The following C10orf143 variants were observed in gnomAD, a reference collection of about 807,000 sequenced individuals.
C10orf143 encodes chromosome 10 open reading frame 143, also known as uncharacterized protein C10orf143.
chr10:130,077,212 T>A (rs1343632390), intron 3 of C10orf143, among the ~76,000 whole-genome samples: 1 of 151,500 alleles, frequency 6.6e-6, no homozygotes, highest in Admixed American at 6.6e-5. Flanking sequence ...GTTGAAGAGG[T>A]CTACCGAGGA....
intron 3 of C10orf143, among the ~76,000 whole-genome samples, chr10:130,053,280 C>T (rs953224233): frequency 3.3e-5 from 5 of 152,234 alleles, no homozygotes; most frequent in South Asian, 4.1e-4. Context: ...AGGATGGTCT[C>T]GATCTCCTGA....
intron 3 of C10orf143, among the ~76,000 whole-genome samples, chr10:130,047,430 C>G (rs10829684): frequency 0.56 from 84,728 of 152,128 alleles, 26,052 homozygotes; most frequent in Non-Finnish European, 0.69. Flanking sequence ...AGGCACTGAG[C>G]GGGGCTGCGT....
At chr10:130,045,015 G>A (rs1350326100) in intron 3 of C10orf143, among the ~76,000 whole-genome samples, 2 of 152,210 alleles carry the variant, frequency 1.3e-5, no homozygotes, top group African/African-American at 2.4e-5. Flanking sequence ...GCCACACCCC[G>A]ATGCCTCCCT....
At chr10:130,049,930 A>T (rs1206912751) in intron 3 of C10orf143, among the ~76,000 whole-genome samples, 1 of 152,240 alleles carries the variant, frequency 6.6e-6, no homozygotes, top group East Asian at 1.9e-4. Context: ...ATCAAAGGAG[A>T]GAAAGAGGAA....
intron 3 of C10orf143, among the ~76,000 whole-genome samples, chr10:130,044,325 G>C (rs769823405): frequency 6.6e-6 from 1 of 152,166 alleles, no homozygotes; most frequent in Admixed American, 6.5e-5. Context: ...AATAGGATAT[G>C]CGGATGTGGC....
chr10:130,064,119 G>T lies in C10orf143; in HGVS notation c.*235C>A, dbSNP rs942145878. ...AACATTCGAAAGGAGGCTGTAGTAC[G>T]TAGTAAGGATTTGGGGGCTCTTTTG... On this transcript the variant is annotated 3_prime_UTR_variant, in exon 4 of 4. Coordinates refer to ENST00000637128, the MANE Select transcript of C10orf143 (RefSeq NM_001355042.2). 2 of 372,202 alleles carry T rather than the reference G, an allele frequency of 5.4e-6. No homozygotes were observed. The highest frequency in any genetic ancestry group is 2.1e-5 in the African/African-American group (1 of 48,152). The allele number at this position is 372,202 out of a possible 1,614,324, so 23.1% of individuals were successfully genotyped here.
At chr10:130,101,849 C>CAAAAAAAAAA (rs1413239919) in intron 1 of C10orf143, among the ~76,000 whole-genome samples, 1 of 26,928 alleles carries the variant, frequency 3.7e-5, no homozygotes, top group African/African-American at 6.8e-5. Flanking sequence ...GACTCTGTCT[C>CAAAAAAAAAA]AAAAAAAAAA....
chr10:130,052,619 T>C (rs1860749896), intron 3 of C10orf143, among the ~76,000 whole-genome samples: 1 of 152,224 alleles, frequency 6.6e-6, no homozygotes, highest in Non-Finnish European at 1.5e-5. Context: ...CTTGTCATCA[T>C]AGACTTTTAC....
rs150528744 is a variant in C10orf143, at chr10:130,081,309, A to T, written c.70-1408T>A. ...GAACACCTATGAGCCGAATAATACA[A>T]CCATAACCTTTATCAAACAAAGACT... On this transcript the variant is annotated intron_variant, in intron 1 of 3. Coordinates refer to ENST00000637128, the MANE Select transcript of C10orf143 (RefSeq NM_001355042.2). 1.8e-3 allele frequency among the ~76,000 whole-genome samples: 275 copies of T among 152,338 alleles called. 5 individuals are homozygous for T. The highest frequency in any genetic ancestry group is 6.3e-3 in the African/African-American group (261 of 41,572).
At chr10:130,058,755 A>G (rs935471771) in intron 3 of C10orf143, among the ~76,000 whole-genome samples, 1 of 152,136 alleles carries the variant, frequency 6.6e-6, no homozygotes, top group African/African-American at 2.4e-5. Flanking sequence ...AATACTGTAA[A>G]GCTACCCCTT....
chr10:130,048,557 G>T (rs929790663), intron 3 of C10orf143, among the ~76,000 whole-genome samples: 3 of 152,170 alleles, frequency 2.0e-5, no homozygotes, highest in Admixed American at 6.5e-5. Flanking sequence ...ATCCATGGGA[G>T]CCCAAAGAAT....
chr10:130,106,538 T>A (rs777976839), intron 1 of C10orf143: 1 of 1,596,616 alleles, frequency 6.3e-7, no homozygotes, highest in East Asian at 2.2e-5. Flanking sequence ...ACAAAATGAA[T>A]TGATGGCGGA....
In C10orf143 at chr10:130,110,764, G is replaced by A. The variant is rs958926466; in HGVS notation, c.9C>T (p.Ser3=). ...GCTGTCGCCAGCGGCCGAGCGCTAA[G>A]CTGTCCATGCAGCCCCAGGGTCAAA... MD[S]LALGRWRQRR... Residue 3 remains serine, a synonymous_variant, in exon 1 of 4, where the codon AGC becomes AGT. Transcript: ENST00000637128. 5 of 398,850 alleles carry A rather than the reference G, an allele frequency of 1.3e-5. No homozygotes were observed. Among genetic ancestry groups the A allele is most frequent in the Non-Finnish European group, 2.2e-5 (5 of 226,146 alleles). 24.7% of individuals were successfully genotyped at this position (398,850 alleles called of 1,614,324 possible). A position where few individuals can be genotyped will look rare whatever the true frequency, so the allele number is the denominator to read the frequency against.
intron 3 of C10orf143, among the ~76,000 whole-genome samples, chr10:130,046,240 C>T (rs917809769): frequency 6.6e-6 from 1 of 151,542 alleles, no homozygotes; most frequent in Non-Finnish European, 1.5e-5. Flanking sequence ...CGAGGCTCGG[C>T]GTGGGACACG....
chr10:130,052,916 T>C (rs1483003137), intron 3 of C10orf143, among the ~76,000 whole-genome samples: 1 of 152,218 alleles, frequency 6.6e-6, no homozygotes, highest in African/African-American at 2.4e-5. Context: ...TGGAGGTCAT[T>C]CGTACAGTAA....
Position 130,105,440 on chromosome 10 carries a change from G to T in C10orf143, c.69+5264C>A, listed in dbSNP as rs191664813. On this transcript the variant is annotated intron_variant, in intron 1 of 3. Transcript: ENST00000637128. ...TTAGCAGTGTTGTGCTATAAATTCA[G>T]ATAATCCAGGATGGGCACGGTGTCT... Among the ~76,000 whole-genome samples the T allele has an allele frequency of 2.6e-5, 4 of 152,232 alleles. 1 individual carries two copies. The highest frequency in any genetic ancestry group is 2.6e-4 in the Admixed American group (4 of 15,282).
At chr10:130,085,429 CTAATCAT>C (rs942584017) in intron 1 of C10orf143, among the ~76,000 whole-genome samples, 24 of 152,254 alleles carry the variant, frequency 1.6e-4, no homozygotes, top group African/African-American at 5.8e-4. Context: ...CACCCTGACT[CTAATCAT>C]AAGAAAATGT....
intron 3 of C10orf143, among the ~76,000 whole-genome samples, chr10:130,052,518 C>A (rs76711672): frequency 6.6e-6 from 1 of 152,174 alleles, no homozygotes; most frequent in Non-Finnish European, 1.5e-5. Context: ...CTGGGTCTCA[C>A]GCCCAGACCA....
At chr10:130,043,271 T>C (rs1447725779) in intron 3 of C10orf143, among the ~76,000 whole-genome samples, 1 of 152,200 alleles carries the variant, frequency 6.6e-6, no homozygotes, top group Non-Finnish European at 1.5e-5. Flanking sequence ...TCATTACTTA[T>C]AAACATGCTG....
Sources: gnomAD v4.1 joint callset for allele counts (sites outside exome capture counted in the v4.1 genomes callset) on GRCh38, gnomAD v4.1.1 for gene constraint, MANE v1.5 for transcripts, NCBI Gene and HGNC (gene_info 2026-07-23, HGNC 2026-07-21) for gene names.